ZNF791: variants seen among roughly 807,000 people sequenced by gnomAD.
The protein encoded by ZNF791 is zinc finger protein 791.
ZNF791 carries 4 observed loss-of-function variants against 11.5 expected under a neutral mutation model. The observed-to-expected ratio is 0.35, with a 90% CI of 0.17 to 0.80. The LOEUF (loss-of-function observed/expected upper bound fraction) is 0.80. ZNF791 is among the 30% of genes least tolerant of loss of function. The pLI is 0.53. For synonymous variants in ZNF791, 212 were observed against 228.1 expected, an observed-to-expected ratio of 0.93 and a Z score of 0.64; for missense variants, 559 against 699.4, an observed-to-expected ratio of 0.80 and a Z score of 2.26.
In ZNF791 at chr19:12,628,021, A is replaced by G. The variant is rs1239399889; in HGVS notation, c.492A>G (p.Gln164=). 5 of 1,613,288 alleles carry G rather than the reference A, an allele frequency of 3.1e-6. No homozygotes were observed. The highest frequency in any genetic ancestry group is 1.3e-5 in the African/African-American group (1 of 74,936). The change falls in exon 4 of 4, where the codon CAA becomes CAG. Residue 164 remains glutamine, a synonymous_variant. Transcript: ENST00000343325. The part of the protein sequence containing the change: ...HTGEKPYKCK[Q]CGKTFIYHQP... ...GAGAAAAACCCTATAAATGTAAACA[A>G]TGTGGAAAAACCTTCATATATCACC... is the stretch of plus-strand genomic sequence containing the variant.
rs2145200316 is a variant in ZNF791, at chr19:12,632,155, G to A, written c.*2895G>A. The A allele has an allele frequency of 1.3e-5, 2 of 151,788 alleles. No individual in the cohort carries two copies. Among genetic ancestry groups the A allele is most frequent in the South Asian group, 4.2e-4 (2 of 4,770 alleles). The allele number at this position is 151,788 out of a possible 1,614,324, so 9.4% of individuals were successfully genotyped here. ...TTTTTTGTATTTTTAGTAGAGATGG[G>A]GTTTCACCGTGTTAAGCCAGGATGG... On this transcript the variant is annotated 3_prime_UTR_variant, in exon 4 of 4. Coordinates refer to ENST00000343325, the MANE Select transcript of ZNF791 (RefSeq NM_153358.3).
intron 3 of ZNF791, among the ~76,000 whole-genome samples, chr19:12,625,792 A>G (rs2023418436): frequency 6.6e-6 from 1 of 150,978 alleles, no homozygotes; most frequent in African/African-American, 2.4e-5. Context: ...CTCAAAAAAA[A>G]AAAAAAAGAA....
At chr19:12,625,375 C>A (rs1370745051) in intron 3 of ZNF791, among the ~76,000 whole-genome samples, 1 of 151,696 alleles carries the variant, frequency 6.6e-6, no homozygotes. Flanking sequence ...CCCGCCTCAG[C>A]CTTCCAAAGT....
At chr19:12,622,630 C>T (rs2023371657) in intron 1 of ZNF791, among the ~76,000 whole-genome samples, 1 of 151,674 alleles carries the variant, frequency 6.6e-6, no homozygotes, top group Non-Finnish European at 1.5e-5. Context: ...GGCAGTGGCT[C>T]ACGCCTGTAA....
At chr19:12,624,010 C>T (rs1358269535) in intron 2 of ZNF791, among the ~76,000 whole-genome samples, 184 bp downstream of exon 2, 1 of 151,292 alleles carries the variant, frequency 6.6e-6, no homozygotes, top group Non-Finnish European at 1.5e-5. Context: ...CACGTGCCAC[C>T]ATGCCTGGCT....
At chr19:12,614,917 T>TTTTTTTTTTTTTTTTTG (rs2023221054) in intron 1 of ZNF791, among the ~76,000 whole-genome samples, 1 of 135,662 alleles carries the variant, frequency 7.4e-6, no homozygotes, top group Non-Finnish European at 1.6e-5. Context: ...TTTTTTTTTT[T>TTTTTTTTTTTTTTTTTG]TTTTTTTTTT....
Position 12,623,802 on chromosome 19 carries a change from A to G in ZNF791, c.106A>G (p.Thr36Ala). 1 of 1,590,342 alleles carries G rather than the reference A, an allele frequency of 6.3e-7. No individual in the cohort carries two copies. The highest frequency in any genetic ancestry group is 8.6e-7 in the Non-Finnish European group (1 of 1,168,852). Residue 36 changes from threonine (T) to alanine (A), a missense_variant, in exon 2 of 4, where the codon ACA (threonine) becomes GCA (alanine). Physicochemically the swap from Thr to Ala is moderately conservative, Grantham distance 58. Coordinates refer to ENST00000343325, the MANE Select transcript of ZNF791 (RefSeq NM_153358.3). The part of the protein sequence containing the change: ...KKLYRDVMQE[T>A]FKNLASIGEK... ...ACTCTACAGAGATGTGATGCAGGAA[A>G]CATTCAAGAACCTGGCATCTATAGG...
At chr19:12,623,923 T>C in intron 2 of ZNF791, 97 bp downstream of exon 2, 1 of 1,082,414 alleles carries the variant, frequency 9.2e-7, no homozygotes, top group South Asian at 1.7e-5. Context: ...TGGCACAATC[T>C]CAGCTCACCA....
chr19:12,613,317 C>T (rs1364786013), intron 1 of ZNF791, among the ~76,000 whole-genome samples: 2 of 151,964 alleles, frequency 1.3e-5, no homozygotes, highest in African/African-American at 4.8e-5. Context: ...CACGGTGGCT[C>T]ATGCCTGTAA....
At chr19:12,615,325 G>A (rs1185727364) in intron 1 of ZNF791, among the ~76,000 whole-genome samples, 17 of 151,972 alleles carry the variant, frequency 1.1e-4, no homozygotes, top group Admixed American at 1.1e-3. Context: ...TACTTTTGCT[G>A]TCTTAAGGTT....
At chr19:12,618,002 C>T (rs999815428) in intron 1 of ZNF791, among the ~76,000 whole-genome samples, 1 of 150,278 alleles carries the variant, frequency 6.7e-6, no homozygotes, top group East Asian at 2.0e-4. Context: ...ACTGCAACCT[C>T]CATCCACTGG....
At chr19:12,613,855 T>C (rs956596221) in intron 1 of ZNF791, among the ~76,000 whole-genome samples, 2 of 152,144 alleles carry the variant, frequency 1.3e-5, no homozygotes, top group African/African-American at 4.8e-5. Flanking sequence ...AGGCAGATGC[T>C]GTTAGGGGAA....
chr19:12,627,304 A>C (rs1042510077), intron 3 of ZNF791, among the ~76,000 whole-genome samples: 1 of 152,218 alleles, frequency 6.6e-6, no homozygotes, highest in South Asian at 2.1e-4. Flanking sequence ...CAGACGGGGC[A>C]GAAAACTATT....
At chr19:12,617,998 A>C (rs910261157) in intron 1 of ZNF791, among the ~76,000 whole-genome samples, 56 of 148,114 alleles carry the variant, frequency 3.8e-4, no homozygotes, top group Middle Eastern at 3.4e-3. Flanking sequence ...GCTCACTGCA[A>C]CCTCCATCCA....
In ZNF791 at chr19:12,610,990, G is replaced by A. The variant is rs2023146762; in HGVS notation, c.-90G>A. On this transcript the variant is annotated 5_prime_UTR_variant, in exon 1 of 4. Transcript: ENST00000343325. ...GGTCTCCTGGCCCCTTGACGCGTCA[G>A]GTTGCTGTACCCCTGCATCGGATGC... is the stretch of plus-strand genomic sequence containing the variant. 1.3e-6 allele frequency: 2 copies of A among 1,574,752 alleles called. No homozygotes were observed. The highest frequency in any genetic ancestry group is 1.7e-5 in the Admixed American group (1 of 59,504).
Position 12,632,400 on chromosome 19 carries a change from T to C in ZNF791, c.*3140T>C, listed in dbSNP as rs1473022246. On this transcript the variant is annotated 3_prime_UTR_variant, in exon 4 of 4. Transcript: ENST00000343325. ...TTGTTGAATACTGACACACTGTAAC[T>C]AGGATTTTTCCTACTGGCCTCATGT... The C allele has an allele frequency of 3.3e-5, 5 of 152,158 alleles. No homozygotes were observed. The highest frequency in any genetic ancestry group is 6.6e-5 in the Admixed American group (1 of 15,248). The allele number at this position is 152,158 out of a possible 1,614,324, so 9.4% of individuals were successfully genotyped here. A position where few individuals can be genotyped will look rare whatever the true frequency, so the allele number is the denominator to read the frequency against.
At position 12,629,111 on chromosome 19, in the gene ZNF791, G is replaced by GA; in HGVS notation, c.1584dup (p.Cys529MetfsTer6). The GA allele has an allele frequency of 1.2e-6, 2 of 1,605,118 alleles. No individual in the cohort carries two copies. On this transcript the variant is annotated frameshift_variant, in exon 4 of 4. Coordinates refer to ENST00000343325, the MANE Select transcript of ZNF791 (RefSeq NM_153358.3). LOFTEE classifies it low-confidence loss of function (END_TRUNC). ...TGGAGAGAAACCCTATAAATGTAAA[G>GA]AATGTGGGAAGGCCTTTAGTCTTCA...
At chr19:12,613,717 A>T (rs1311618696) in intron 1 of ZNF791, among the ~76,000 whole-genome samples, 1 of 152,200 alleles carries the variant, frequency 6.6e-6, no homozygotes. Flanking sequence ...AAGAAAGATC[A>T]TTGAAGGCCC....
chr19:12,614,536 C>T (rs913416292), intron 1 of ZNF791, among the ~76,000 whole-genome samples: 10 of 151,164 alleles, frequency 6.6e-5, no homozygotes, highest in Non-Finnish European at 1.0e-4. Context: ...CACGCCAGGC[C>T]GGGGTTACGT....
Sources: allele counts gnomAD v4.1 joint callset (sites outside exome capture counted in the v4.1 genomes callset), GRCh38; gene constraint gnomAD v4.1.1; transcripts MANE v1.5; gene names NCBI Gene and HGNC (gene_info 2026-07-23, HGNC 2026-07-21).